Variants in BMPER observed in about 807,000 individuals in gnomAD.
BMPER encodes the protein BMP-binding endothelial regulator protein.
In BMPER, 45 loss-of-function variants were observed where a neutral mutation model predicts 87.3. That is an observed-to-expected ratio of 0.52 (90% confidence interval 0.41 to 0.66). The LOEUF (loss-of-function observed/expected upper bound fraction) is 0.66, where lower values mean the gene tolerates loss of function less well. Among genes scored for constraint, BMPER ranks in the 30% least tolerant of loss-of-function variants. The pLI, the probability that BMPER is intolerant of heterozygous loss-of-function variation, is 0.00. For synonymous variants in BMPER, 326 were observed against 316.2 expected (o/e 1.03, Z -0.33); for missense variants, 784 against 867.5 (o/e 0.90, Z 1.21).
At chr7:34,032,756 A>G (rs1787562101) in intron 6 of BMPER, among the ~76,000 whole-genome samples, 2 of 152,160 alleles carry the variant, frequency 1.3e-5, no homozygotes, top group South Asian at 4.1e-4. Flanking sequence ...AGACCCTCCA[A>G]GAAATATTAA....
intron 5 of BMPER, among the ~76,000 whole-genome samples, chr7:33,971,302 C>T (rs967563306): frequency 6.6e-6 from 1 of 152,216 alleles, no homozygotes; most frequent in East Asian, 1.9e-4. Context: ...CACTTTCCTC[C>T]ATGCAGTCTC....
At chr7:33,927,373 C>T (rs1429170889) in intron 2 of BMPER, among the ~76,000 whole-genome samples, 1 of 152,158 alleles carries the variant, frequency 6.6e-6, no homozygotes, top group African/African-American at 2.4e-5. Flanking sequence ...TGACAACCTT[C>T]CAGGGCTGGC....
chr7:34,135,067 G>A (rs1373141080), intron 13 of BMPER, among the ~76,000 whole-genome samples: 4 of 152,144 alleles, frequency 2.6e-5, no homozygotes, highest in African/African-American at 9.7e-5. Context: ...AAGTTAGGAG[G>A]ATTTAAAAAT....
intron 3 of BMPER, among the ~76,000 whole-genome samples, chr7:33,938,441 A>G (rs1157444941): frequency 6.6e-6 from 1 of 152,190 alleles, no homozygotes; most frequent in African/African-American, 2.4e-5. Flanking sequence ...GAAGAGGAAG[A>G]GACAGAGACA....
Position 34,051,917 on chromosome 7 carries a change from T to C in BMPER, c.733T>C (p.Tyr245His), listed in dbSNP as rs754098691. The change falls in exon 8 of 15, where the codon TAT becomes CAT. Residue 245 changes from tyrosine to histidine, a missense_variant. Transcript: ENST00000649409. ...GAGCTGCCTCTTTCGAAGTGATGTT[T>C]ATGACAATGGATCCTCATTTCTGTA... ...FGSCLFRSDV[Y>H]DNGSSFLYDN... 1.2e-6 allele frequency: 2 copies of C among 1,614,072 alleles called. No individual in the cohort carries two copies. The highest frequency in any genetic ancestry group is 2.2e-5 in the South Asian group (2 of 91,088).
In BMPER at chr7:33,966,783, A is replaced by T. The variant is rs75415979; in HGVS notation, c.402+222A>T. 0.058 allele frequency among the ~76,000 whole-genome samples: 8,764 copies of T among 152,302 alleles called. 271 individuals are homozygous for T. Among genetic ancestry groups the T allele is most frequent in the Middle Eastern group, 0.099 (29 of 294 alleles). On this transcript the variant is annotated intron_variant, in intron 4 of 14. Coordinates refer to ENST00000649409, the MANE Select transcript of BMPER (RefSeq NM_001365308.1). ...CTTGCTTCCAGAAACACACAGTGGA[A>T]TTGTCCACCATTGTTAAATTGTGCC...
At chr7:34,024,056 T>C (rs796948155) in intron 6 of BMPER, among the ~76,000 whole-genome samples, 1 of 151,980 alleles carries the variant, frequency 6.6e-6, no homozygotes, top group South Asian at 2.1e-4. Flanking sequence ...CTGAATAAGT[T>C]AAAAATCTGA....
chr7:34,143,747 C>T (rs1189796444), intron 14 of BMPER, among the ~76,000 whole-genome samples: 2 of 151,992 alleles, frequency 1.3e-5, no homozygotes, highest in African/African-American at 4.8e-5. Flanking sequence ...AAGCAAGATA[C>T]TTTTTTTTAG....
intron 10 of BMPER, among the ~76,000 whole-genome samples, chr7:34,061,420 T>C (rs1210997389): frequency 1.3e-5 from 2 of 152,220 alleles, no homozygotes; most frequent in Middle Eastern, 3.2e-3. Flanking sequence ...TCAGCTTCCT[T>C]GGCTTTGAGT....
chr7:33,975,512 A>G (rs553530507), intron 6 of BMPER, among the ~76,000 whole-genome samples: 1 of 152,200 alleles, frequency 6.6e-6, no homozygotes, highest in African/African-American at 2.4e-5. Flanking sequence ...GGCACATGCT[A>G]CAATTGTAAA....
intron 7 of BMPER, among the ~76,000 whole-genome samples, chr7:34,047,781 A>C (rs1788014006): frequency 3.2e-4 from 1 of 3,142 alleles, no homozygotes; most frequent in African/African-American, 1.2e-3. Flanking sequence ...ATTTCTCTTG[A>C]TTTTCTTTCC....
chr7:34,060,141 A>G (rs1236858503), intron 10 of BMPER, among the ~76,000 whole-genome samples: 2 of 152,256 alleles, frequency 1.3e-5, no homozygotes, highest in East Asian at 3.9e-4. Flanking sequence ...ATTGCATATT[A>G]CACAGGTGCT....
chr7:34,136,649 A>T (rs897532839), intron 13 of BMPER, among the ~76,000 whole-genome samples: 1 of 152,186 alleles, frequency 6.6e-6, no homozygotes, highest in South Asian at 2.1e-4. Flanking sequence ...TATGTGGAAC[A>T]AGGAAAGCCA....
chr7:34,063,956 T>A (rs1471811157), intron 11 of BMPER, among the ~76,000 whole-genome samples: 1 of 152,232 alleles, frequency 6.6e-6, no homozygotes, highest in Non-Finnish European at 1.5e-5. Flanking sequence ...CCAATCACAT[T>A]GTTGTCAGGC....
intron 2 of BMPER, among the ~76,000 whole-genome samples, chr7:33,931,641 T>G (rs1215660078): frequency 6.6e-6 from 1 of 152,228 alleles, no homozygotes; most frequent in Non-Finnish European, 1.5e-5. Flanking sequence ...AGTTGACTCT[T>G]TGACTTCATA....
At chr7:34,030,686 A>G (rs1314293185) in intron 6 of BMPER, among the ~76,000 whole-genome samples, 1 of 151,892 alleles carries the variant, frequency 6.6e-6, no homozygotes, top group Non-Finnish European at 1.5e-5. Context: ...CAGTGGTGCA[A>G]TCATAGCTCA....
chr7:34,074,413 T>G (rs1478906759), intron 11 of BMPER, among the ~76,000 whole-genome samples: 2 of 152,248 alleles, frequency 1.3e-5, no homozygotes, highest in African/African-American at 4.8e-5. Flanking sequence ...CGGGTCGTTC[T>G]GGGTTGCACC....
At chr7:34,071,360 T>G (rs2127970460) in intron 11 of BMPER, among the ~76,000 whole-genome samples, 1 of 152,358 alleles carries the variant, frequency 6.6e-6, no homozygotes, top group South Asian at 2.1e-4. Flanking sequence ...GTAATTGTTC[T>G]TAGAGTCATG....
intron 13 of BMPER, among the ~76,000 whole-genome samples, chr7:34,100,061 T>C (rs1003684885): frequency 2.0e-5 from 3 of 152,122 alleles, no homozygotes; most frequent in African/African-American, 7.2e-5. Context: ...TCCCTCCCTC[T>C]CTCTCTTCAA....
Sources: allele counts gnomAD v4.1 joint callset (sites outside exome capture counted in the v4.1 genomes callset), GRCh38; gene constraint gnomAD v4.1.1; transcripts MANE v1.5; gene names NCBI Gene and HGNC (gene_info 2026-07-23, HGNC 2026-07-21).